Variants in RB1CC1 observed in about 807,000 individuals in gnomAD.
RB1CC1 encodes RB1-inducible coiled-coil protein 1.
A neutral mutation model predicts 177.5 loss-of-function variants in RB1CC1; 46 were observed. The observed-to-expected ratio is 0.26, with a 90% CI of 0.20 to 0.33. The LOEUF (loss-of-function observed/expected upper bound fraction) is 0.33, where lower values mean the gene tolerates loss of function less well. Ranked by LOEUF, RB1CC1 falls within the 10% of genes least tolerant of loss-of-function variation. The pLI, the probability that RB1CC1 is intolerant of heterozygous loss-of-function variation, is 1.00. For missense variants in RB1CC1, 1,703 were observed against 1,816.3 expected (o/e 0.94, Z 1.13); for synonymous variants, 666 against 613.6 (o/e 1.09, Z -1.26).
At chr8:52,634,072 G>A (rs1179540829) in intron 20 of RB1CC1, among the ~76,000 whole-genome samples, 3 of 152,092 alleles carry the variant, frequency 2.0e-5, no homozygotes, top group Admixed American at 1.3e-4. Flanking sequence ...AGCCAAGATC[G>A]CAACACCACA....
chr8:52,714,319 G>C lies in RB1CC1; in HGVS notation c.-411C>G, dbSNP rs1418888142. On this transcript the variant is annotated 5_prime_UTR_variant, in exon 1 of 24. Coordinates refer to ENST00000025008, the MANE Select transcript of RB1CC1 (RefSeq NM_014781.5). The stretch of plus-strand genomic sequence containing the variant: ...GCTCTGGGTCTGGGGCCGGGGGACA[G>C]AAGGCCGCGGCCTGTCAGAGCCGAG... 1 of 159,112 alleles carries C rather than the reference G, an allele frequency of 6.3e-6. No homozygotes were observed. The highest frequency in any genetic ancestry group is 1.9e-4 in the East Asian group (1 of 5,138). The allele number at this position is 159,112 out of a possible 1,614,324, so 9.9% of individuals were successfully genotyped here.
chr8:52,630,380 G>A (rs1233679162), intron 21 of RB1CC1, 90 bp downstream of exon 21: 3 of 1,438,984 alleles, frequency 2.1e-6, no homozygotes, highest in Non-Finnish European at 2.8e-6. Context: ...AATGAACCTG[G>A]ACCTGAATTA....
chr8:52,698,361 C>A (rs1198603755), intron 1 of RB1CC1, among the ~76,000 whole-genome samples: 1 of 151,848 alleles, frequency 6.6e-6, no homozygotes, highest in Non-Finnish European at 1.5e-5. Context: ...CTCGCTCTGT[C>A]GCCCAGGCTG....
At chr8:52,667,840 T>C (rs73595493) in intron 8 of RB1CC1, among the ~76,000 whole-genome samples, 181 bp downstream of exon 8, 2,843 of 152,306 alleles carry the variant, frequency 0.019, 95 homozygotes, top group African/African-American at 0.066. Flanking sequence ...GGTTTATCTA[T>C]AGGAAACTCA....
chr8:52,658,747 G>C, intron 13 of RB1CC1, 126 bp downstream of exon 13: 1 of 529,848 alleles, frequency 1.9e-6, no homozygotes, highest in Middle Eastern at 5.2e-4. Flanking sequence ...TCACAGGAAA[G>C]CCAGTCTATC....
chr8:52,678,709 C>T (rs1591062444), intron 5 of RB1CC1, among the ~76,000 whole-genome samples: 1 of 152,004 alleles, frequency 6.6e-6, no homozygotes, highest in Admixed American at 6.6e-5. Context: ...TGTTAATGAA[C>T]AAATTTAGGT....
At chr8:52,687,910 T>G (rs1273885512) in intron 1 of RB1CC1, among the ~76,000 whole-genome samples, 1 of 152,214 alleles carries the variant, frequency 6.6e-6, no homozygotes, top group Non-Finnish European at 1.5e-5. Context: ...ATTAGGAGGA[T>G]GTTGTTGTGG....
At chr8:52,631,959 C>T (rs1476026534) in intron 20 of RB1CC1, among the ~76,000 whole-genome samples, 1 of 152,144 alleles carries the variant, frequency 6.6e-6, no homozygotes, top group East Asian at 1.9e-4. Context: ...GAGAACAAAC[C>T]TCTTTTCTCA....
At chr8:52,693,917 C>G (rs1470315661) in intron 1 of RB1CC1, among the ~76,000 whole-genome samples, 1 of 152,096 alleles carries the variant, frequency 6.6e-6, no homozygotes, top group African/African-American at 2.4e-5. Flanking sequence ...ATATATCCCG[C>G]ACATGTACCC....
chr8:52,622,763 T>C lies in RB1CC1; in HGVS notation c.*1019A>G, dbSNP rs1848143951. 2.0e-5 allele frequency: 3 copies of C among 151,804 alleles called. No individual in the cohort carries two copies. In the South Asian group the frequency reaches 6.2e-4, roughly 31 times the overall value. The allele number at this position is 151,804 out of a possible 1,614,324, so 9.4% of individuals were successfully genotyped here. ...ACTGTTTACCCTGTTACATAGTATA[T>C]AGTTAAAGAACATTTTTGTAATAAA... On this transcript the variant is annotated 3_prime_UTR_variant, in exon 24 of 24. Transcript: ENST00000025008.
chr8:52,675,350 T>A (rs1441710488), intron 6 of RB1CC1, among the ~76,000 whole-genome samples: 2 of 151,802 alleles, frequency 1.3e-5, no homozygotes, highest in Non-Finnish European at 2.9e-5. Context: ...TTGCCTCTAA[T>A]GCAAGGTCAA....
Position 52,674,018 on chromosome 8 carries a change from C to T in RB1CC1, c.829G>A (p.Glu277Lys). ...GTACTTTGACAAGATTCCCTAATTT[C>T]TTTGCCACTTTCAGCATCTGCGGTA... Reference protein sequence around the residue: ...PDTADAESGKEIRESCQSTVH... With the variant: ...PDTADAESGKKIRESCQSTVH... The change falls in exon 7 of 24, where the codon GAA becomes AAA. Residue 277 changes from glutamate to lysine, a missense_variant. Glu to Lys is a moderately conservative substitution (Grantham distance 56). Coordinates refer to ENST00000025008, the MANE Select transcript of RB1CC1 (RefSeq NM_014781.5). The T allele has an allele frequency of 6.2e-7, 1 of 1,614,188 alleles. No homozygotes were observed. Among genetic ancestry groups the T allele is most frequent in the Non-Finnish European group, 8.5e-7 (1 of 1,180,026 alleles).
intron 16 of RB1CC1, 68 bp downstream of exon 16, chr8:52,645,629 TAAAGA>T (rs1205559026): frequency 6.8e-7 from 1 of 1,461,504 alleles, no homozygotes; most frequent in Non-Finnish European, 9.3e-7. Flanking sequence ...CTCAGCTACA[TAAAGA>T]AATTATATTT....
chr8:52,681,143 C>T (rs1471279901), intron 5 of RB1CC1, among the ~76,000 whole-genome samples: 4 of 151,780 alleles, frequency 2.6e-5, no homozygotes, highest in African/African-American at 9.7e-5. Flanking sequence ...AGGCACATGC[C>T]AGCATGCCCG....
intron 20 of RB1CC1, among the ~76,000 whole-genome samples, chr8:52,630,984 C>G (rs566261021): frequency 6.6e-6 from 1 of 152,172 alleles, no homozygotes; most frequent in Non-Finnish European, 1.5e-5. Context: ...GAACACCAAA[C>G]AAAGGAAGGA....
Position 52,683,907 on chromosome 8 carries a change from A to G in RB1CC1, c.178T>C (p.Cys60Arg). 1.2e-6 allele frequency: 2 copies of G among 1,614,108 alleles called. No individual in the cohort carries two copies. Among genetic ancestry groups the G allele is most frequent in the Non-Finnish European group, 1.7e-6 (2 of 1,180,020 alleles). ...GECMAADRRV[C>R]TYSAGTDTNP... ...CCTACCGTCCCAGCACTGTAGGTACACACTCTTCGATCTGCAGCCATGCAT... is the reference window on the plus strand; with the variant it reads ...CCTACCGTCCCAGCACTGTAGGTACGCACTCTTCGATCTGCAGCCATGCAT... The change falls in exon 4 of 24, where the codon TGT becomes CGT. Residue 60 changes from cysteine (C) to arginine (R), a missense_variant. By Grantham distance (180) the Cys-to-Arg change is radical (BLOSUM62 -3). Coordinates refer to ENST00000025008, the MANE Select transcript of RB1CC1 (RefSeq NM_014781.5).
At chr8:52,635,173 A>G (rs949137712) in intron 19 of RB1CC1, among the ~76,000 whole-genome samples, 5 of 152,218 alleles carry the variant, frequency 3.3e-5, no homozygotes, top group African/African-American at 1.2e-4. Context: ...AGATACATTT[A>G]CCAAGGACTG....
intron 6 of RB1CC1, among the ~76,000 whole-genome samples, chr8:52,674,596 C>CAGTT (rs1852916479): frequency 6.6e-6 from 1 of 152,016 alleles, no homozygotes; most frequent in Non-Finnish European, 1.5e-5. Context: ...CGGCAAAACC[C>CAGTT]AGTTCTACTA....
At chr8:52,705,913 A>G (rs1038175127) in intron 1 of RB1CC1, among the ~76,000 whole-genome samples, 1 of 152,168 alleles carries the variant, frequency 6.6e-6, no homozygotes, top group Admixed American at 6.6e-5. Context: ...ATCTATACGT[A>G]TTGATCAGTA....
Sources: allele counts gnomAD v4.1 joint callset (sites outside exome capture counted in the v4.1 genomes callset), GRCh38; gene constraint gnomAD v4.1.1; transcripts MANE v1.5; gene names NCBI Gene and HGNC (gene_info 2026-07-23, HGNC 2026-07-21).